Variants in RELN observed in about 807,000 individuals in gnomAD.
RELN encodes reelin.
In RELN, 108 loss-of-function variants were observed where a neutral mutation model predicts 427.6. The ratio of observed to expected loss-of-function variants is 0.25; its 90% CI spans 0.22 to 0.30. The LOEUF is 0.30. RELN is among the 10% of genes least tolerant of loss of function. The pLI is 1.00. For missense variants in RELN, 3,715 were observed against 4,302.8 expected, an observed-to-expected ratio of 0.86 and a Z score of 3.82; for synonymous variants, 1,524 against 1,513.4, an observed-to-expected ratio of 1.01 and a Z score of -0.16.
In RELN at chr7:103,550,974, A is replaced by C. The variant is rs1052932741; in HGVS notation, c.6302+93T>G. 2.9e-6 allele frequency: 3 copies of C among 1,032,550 alleles called. No individual in the cohort carries two copies. In the African/African-American group the frequency reaches 4.7e-5, roughly 16 times the overall value. 64.0% of individuals were successfully genotyped at this position (1,032,550 alleles called of 1,614,324 possible). A position where few individuals can be genotyped will look rare whatever the true frequency, so the allele number is the denominator to read the frequency against. The stretch of plus-strand genomic sequence containing the variant: ...AACAGAGGAAGAAACGTCAGGTGGA[A>C]ATTTCCCCATGATAAAGTGGCAAGT... On this transcript the variant is annotated intron_variant, in intron 41 of 64. Coordinates refer to ENST00000428762, the MANE Select transcript of RELN (RefSeq NM_005045.4).
intron 1 of RELN, among the ~76,000 whole-genome samples, chr7:103,963,039 G>A (rs185417991): frequency 6.6e-6 from 1 of 152,030 alleles, no homozygotes; most frequent in Non-Finnish European, 1.5e-5. Flanking sequence ...ACAGGAGACA[G>A]ACGTAAGCCA....
At chr7:103,803,932 C>G (rs747446420) in intron 3 of RELN, among the ~76,000 whole-genome samples, 2 of 151,894 alleles carry the variant, frequency 1.3e-5, no homozygotes, top group Non-Finnish European at 2.9e-5. Flanking sequence ...GAAAATGCAC[C>G]TAAAAATATC....
In RELN at chr7:103,877,997, A is replaced by T. The variant is rs554691454; in HGVS notation, c.337+39078T>A. 6.4e-4 allele frequency among the ~76,000 whole-genome samples: 98 copies of T among 152,028 alleles called. 2 individuals are homozygous for T. The South Asian group carries it at 0.02, about 31-fold the overall frequency. The stretch of plus-strand genomic sequence containing the variant: ...CAGCCTCCCAAATGGCTGGGATTAC[A>T]GGCATGCACCAACACGCCCAGCTAA... On this transcript the variant is annotated intron_variant, in intron 2 of 64. Coordinates refer to ENST00000428762, the MANE Select transcript of RELN (RefSeq NM_005045.4).
intron 29 of RELN, among the ~76,000 whole-genome samples, chr7:103,575,223 G>A (rs566514588): frequency 1.3e-5 from 2 of 152,286 alleles, no homozygotes; most frequent in South Asian, 4.1e-4. Context: ...CAGAGTTATT[G>A]TTAGAATTAA....
chr7:103,536,651 T>A (rs1830058348), intron 45 of RELN, among the ~76,000 whole-genome samples: 1 of 152,220 alleles, frequency 6.6e-6, no homozygotes, highest in African/African-American at 2.4e-5. Flanking sequence ...ACATTATTGA[T>A]TACTCCCTGA....
chr7:103,566,678 G>A lies in RELN; in HGVS notation c.4670C>T (p.Pro1557Leu). The change falls in exon 32 of 65, where the codon CCA (proline) becomes CTA (leucine). Residue 1557 changes from proline to leucine, a missense_variant. Around this residue, in one of 4 missense-constraint regions of RELN, gnomAD observed 2,208 missense variants for 2,361.7 expected, o/e 0.93. Transcript: ENST00000428762. ...TGGCAGGTCAATGGAAATGATCTGT[G>A]GTTCCAGGAAGGACATGAAGTCCAA... ...RELDFMSFLEPQIISIDLPQD... is the reference protein window; with the variant it reads ...RELDFMSFLELQIISIDLPQD... 1 of 1,614,044 alleles carries A rather than the reference G, an allele frequency of 6.2e-7. No individual in the cohort carries two copies. Among genetic ancestry groups the A allele is most frequent in the Non-Finnish European group, 8.5e-7 (1 of 1,179,946 alleles).
intron 24 of RELN, among the ~76,000 whole-genome samples, chr7:103,598,111 G>C (rs1170223108): frequency 3.9e-5 from 6 of 152,178 alleles, no homozygotes. Context: ...GTTATTAGAA[G>C]TCACAGGGGA....
chr7:103,917,812 G>A (rs1374772406), intron 1 of RELN, among the ~76,000 whole-genome samples: 1 of 152,096 alleles, frequency 6.6e-6, no homozygotes, highest in African/African-American at 2.4e-5. Context: ...ATAAAATCAG[G>A]ACGTTGCTGG....
chr7:103,491,854 TCTCACACACACACACA>T (rs1287334041), intron 58 of RELN, 83 bp downstream of exon 58: 45 of 378,010 alleles, frequency 1.2e-4, no homozygotes, highest in Middle Eastern at 7.3e-4. Flanking sequence ...TCTCTCTCTC[TCTCACACACACACACA>T]CACACACACA....
chr7:103,542,842 C>T lies in RELN; in HGVS notation c.6560G>A (p.Gly2187Asp). 1 of 1,614,052 alleles carries T rather than the reference C, an allele frequency of 6.2e-7. No individual in the cohort carries two copies. ...LESDRFLLMS[G>D]GKPSRKCGIL... The stretch of plus-strand genomic sequence containing the variant: ...TCCACACTTTCGAGATGGTTTCCCA[C>T]CACTCATTAATAAGAATCTATCAGA... The change falls in exon 43 of 65, where the codon GGT (glycine) becomes GAT (aspartate). Residue 2187 changes from glycine to aspartate, a missense_variant. Gly to Asp is a moderately conservative substitution (Grantham distance 94). Coordinates refer to ENST00000428762, the MANE Select transcript of RELN (RefSeq NM_005045.4).
chr7:103,472,950 A>T, intron 64 of RELN, 42 bp from the exon 65 acceptor site: 1 of 1,457,792 alleles, frequency 6.9e-7, no homozygotes, highest in African/African-American at 1.4e-5. Context: ...AGGAAAGGAA[A>T]AAGAGCATGT....
rs141074750 is a variant in RELN, at chr7:103,843,397, A to G, written c.338-9725T>C. Among the ~76,000 whole-genome samples the G allele has an allele frequency of 7.6e-3, 1,161 of 152,194 alleles. 16 individuals carry two copies. The highest frequency in any genetic ancestry group is 0.02 in the Middle Eastern group (6 of 294). On this transcript the variant is annotated intron_variant, in intron 2 of 64. Transcript: ENST00000428762. The stretch of plus-strand genomic sequence containing the variant: ...ACTCAGTAGATTTAAGTGACTTGCC[A>G]AGGATAATAGGACTAGTGAGTGGCA...
chr7:103,559,429 A>G (rs1299799072), intron 36 of RELN, among the ~76,000 whole-genome samples: 2 of 152,204 alleles, frequency 1.3e-5, no homozygotes, highest in South Asian at 4.1e-4. Context: ...TAAAAGCCTT[A>G]TATTTCTAGT....
chr7:103,598,791 G>T (rs1831598706), intron 24 of RELN, among the ~76,000 whole-genome samples: 1 of 152,090 alleles, frequency 6.6e-6, no homozygotes, highest in Non-Finnish European at 1.5e-5. Flanking sequence ...TTGTTTTAAA[G>T]GAAGAAAAAA....
At chr7:103,567,161 C>T (rs1463967370) in intron 31 of RELN, among the ~76,000 whole-genome samples, 2 of 152,242 alleles carry the variant, frequency 1.3e-5, no homozygotes, top group Admixed American at 6.5e-5. Context: ...TAGCTCTTTG[C>T]TGCTGACGCA....
chr7:103,495,484 G>A (rs1399422616), intron 57 of RELN, among the ~76,000 whole-genome samples: 1 of 151,976 alleles, frequency 6.6e-6, no homozygotes, highest in Non-Finnish European at 1.5e-5. Flanking sequence ...AATTACTTTT[G>A]CACCAGCCTA....
chr7:103,918,021 G>A (rs963420601), intron 1 of RELN, among the ~76,000 whole-genome samples: 14 of 152,048 alleles, frequency 9.2e-5, no homozygotes, highest in African/African-American at 3.4e-4. Context: ...TTTAGGTAGT[G>A]CACAGTACAA....
chr7:103,797,879 A>T (rs1397278305), intron 3 of RELN, among the ~76,000 whole-genome samples: 3 of 152,224 alleles, frequency 2.0e-5, no homozygotes, highest in Non-Finnish European at 4.4e-5. Context: ...GGCCCTGTGC[A>T]GCTATGTGTA....
chr7:103,549,376 A>G (rs144504029), intron 41 of RELN, among the ~76,000 whole-genome samples: 58 of 152,284 alleles, frequency 3.8e-4, no homozygotes, highest in African/African-American at 1.2e-3. Flanking sequence ...ACTGATGCCA[A>G]TCATGAGGGC....
Sources: allele counts gnomAD v4.1 joint callset (sites outside exome capture counted in the v4.1 genomes callset), GRCh38; gene constraint gnomAD v4.1.1; regional missense constraint gnomAD v4.1.1; transcripts MANE v1.5; gene names NCBI Gene and HGNC (gene_info 2026-07-23, HGNC 2026-07-21).